UBE2E2: variants seen among roughly 807,000 people sequenced by gnomAD.
The protein encoded by UBE2E2 is ubiquitin conjugating enzyme E2 E2, also known as ubiquitin-conjugating enzyme E2 E2.
In UBE2E2, 6 loss-of-function variants were observed where a neutral mutation model predicts 24.7. The ratio of observed to expected loss-of-function variants is 0.24; its 90% confidence interval spans 0.13 to 0.48. The LOEUF (loss-of-function observed/expected upper bound fraction) is 0.48. Ranked by LOEUF, UBE2E2 falls within the 20% of genes least tolerant of loss-of-function variation. The pLI is 0.99. For synonymous variants in UBE2E2, 104 were observed against 83.6 expected (o/e 1.24, Z -1.33); for missense variants, 169 against 245.0 (o/e 0.69, Z 2.07).
chr3:23,458,027 ACTT>A (rs1217637712), intron 3 of UBE2E2, among the ~76,000 whole-genome samples: 1 of 152,090 alleles, frequency 6.6e-6, no homozygotes, highest in East Asian at 1.9e-4. Context: ...TCATGCAAGA[ACTT>A]CTCTTTTGCA....
intron 5 of UBE2E2, among the ~76,000 whole-genome samples, chr3:23,534,481 A>G (rs1038346548): frequency 6.6e-6 from 1 of 152,360 alleles, no homozygotes; most frequent in East Asian, 1.9e-4. Flanking sequence ...ATAATGTTCC[A>G]TAAAACCAAA....
At chr3:23,339,910 A>G (rs1481887656) in intron 3 of UBE2E2, among the ~76,000 whole-genome samples, 1 of 152,118 alleles carries the variant, frequency 6.6e-6, no homozygotes, top group Non-Finnish European at 1.5e-5. Context: ...TTTATTTTTA[A>G]TTGTCAGGAA....
chr3:23,258,264 G>T (rs910655774), intron 3 of UBE2E2, among the ~76,000 whole-genome samples: 2 of 152,088 alleles, frequency 1.3e-5, no homozygotes, highest in African/African-American at 4.8e-5. Flanking sequence ...AGATATTTTC[G>T]GTAGGACAAA....
intron 3 of UBE2E2, among the ~76,000 whole-genome samples, chr3:23,495,640 A>G (rs1211976542): frequency 3.9e-5 from 6 of 152,092 alleles, no homozygotes; most frequent in Non-Finnish European, 7.4e-5. Context: ...AAGCTTATCT[A>G]TTCATATTGG....
chr3:23,355,915 CTA>C (rs1320473871), intron 3 of UBE2E2, among the ~76,000 whole-genome samples: 1 of 152,326 alleles, frequency 6.6e-6, no homozygotes, highest in East Asian at 1.9e-4. Flanking sequence ...CGTAAATCAT[CTA>C]AGACTTTCTG....
At chr3:23,386,759 C>CA (rs1365595198) in intron 3 of UBE2E2, among the ~76,000 whole-genome samples, 1 of 152,148 alleles carries the variant, frequency 6.6e-6, no homozygotes, top group African/African-American at 2.4e-5. Flanking sequence ...TTTATATACT[C>CA]AGAGTAGGGA....
At chr3:23,316,169 A>T (rs916407173) in intron 3 of UBE2E2, among the ~76,000 whole-genome samples, 1 of 152,252 alleles carries the variant, frequency 6.6e-6, no homozygotes, top group South Asian at 2.1e-4. Flanking sequence ...CTTTGCCGTC[A>T]GCAGTTGGCA....
chr3:23,495,636 A>G (rs544808506), intron 3 of UBE2E2, among the ~76,000 whole-genome samples: 1 of 152,322 alleles, frequency 6.6e-6, no homozygotes, highest in South Asian at 2.1e-4. Context: ...TGATAAGCTT[A>G]TCTATTCATA....
At chr3:23,411,460 T>C (rs1161726658) in intron 3 of UBE2E2, among the ~76,000 whole-genome samples, 2 of 152,182 alleles carry the variant, frequency 1.3e-5, no homozygotes, top group African/African-American at 4.8e-5. Context: ...ACTCCACTCC[T>C]CTTCTTTCTC....
intron 3 of UBE2E2, among the ~76,000 whole-genome samples, chr3:23,397,948 A>G (rs943816486): frequency 1.3e-5 from 2 of 152,168 alleles, no homozygotes; most frequent in African/African-American, 2.4e-5. Context: ...GATAAATACT[A>G]TCATTTTTCT....
chr3:23,283,600 AC>A (rs561236388), intron 3 of UBE2E2, among the ~76,000 whole-genome samples: 148 of 152,220 alleles, frequency 9.7e-4, no homozygotes, highest in African/African-American at 3.3e-3. Context: ...GGTGGCACAC[AC>A]TTATAGTCTC....
chr3:23,207,640 T>A (rs1055256601), intron 1 of UBE2E2, among the ~76,000 whole-genome samples: 5 of 152,322 alleles, frequency 3.3e-5, no homozygotes, highest in African/African-American at 1.2e-4. Flanking sequence ...ATTGATTGAA[T>A]AGGGATTTGA....
intron 3 of UBE2E2, among the ~76,000 whole-genome samples, chr3:23,230,270 A>C (rs767756719): frequency 2.3e-4 from 35 of 152,314 alleles, no homozygotes; most frequent in Non-Finnish European, 4.0e-4. Context: ...TGAAACTGGA[A>C]AGTTTATGGT....
intron 3 of UBE2E2, among the ~76,000 whole-genome samples, chr3:23,345,465 G>A (rs35230557): frequency 0.071 from 10,748 of 152,154 alleles, 504 homozygotes; most frequent in Non-Finnish European, 0.088. Context: ...TAAAATATAC[G>A]TGGCAAAACA....
chr3:23,313,917 A>G (rs1384634907), intron 3 of UBE2E2, among the ~76,000 whole-genome samples: 2 of 151,644 alleles, frequency 1.3e-5, no homozygotes, highest in Admixed American at 6.6e-5. Context: ...TTTTTTGTGT[A>G]TCTTTGGTAT....
intron 3 of UBE2E2, among the ~76,000 whole-genome samples, chr3:23,491,692 G>A (rs903394032): frequency 6.6e-6 from 1 of 152,224 alleles, no homozygotes; most frequent in Non-Finnish European, 1.5e-5. Context: ...GACTTTGTAT[G>A]CTGCAAAGGA....
At chr3:23,542,534 T>C (rs771845472) in intron 5 of UBE2E2, among the ~76,000 whole-genome samples, 1 of 152,182 alleles carries the variant, frequency 6.6e-6, no homozygotes, top group Non-Finnish European at 1.5e-5. Context: ...ACTTAGGCCA[T>C]GTGTATCTTC....
chr3:23,572,786 T>C (rs568216786), intron 5 of UBE2E2, among the ~76,000 whole-genome samples: 1 of 152,310 alleles, frequency 6.6e-6, no homozygotes, highest in East Asian at 1.9e-4. Context: ...AGTCCACTGT[T>C]GATGGGCACC....
At chr3:23,404,542 G>A (rs970433714) in intron 3 of UBE2E2, among the ~76,000 whole-genome samples, 5 of 152,048 alleles carry the variant, frequency 3.3e-5, no homozygotes, top group Non-Finnish European at 7.4e-5. Context: ...ATATCACTTG[G>A]CTGACTATTA....
Sources: allele counts gnomAD v4.1 joint callset (sites outside exome capture counted in the v4.1 genomes callset), GRCh38; gene constraint gnomAD v4.1.1; transcripts MANE v1.5; gene names NCBI Gene and HGNC (gene_info 2026-07-23, HGNC 2026-07-21).